The following SPATA21 variants were observed in gnomAD, a reference collection of about 807,000 sequenced individuals.
SPATA21 encodes spermatogenesis-associated protein 21.
In SPATA21, 47 loss-of-function variants were observed where a neutral mutation model predicts 54.8. That is an observed-to-expected ratio of 0.86 (90% CI 0.68 to 1.09). The LOEUF (loss-of-function observed/expected upper bound fraction) is 1.09, where lower values mean the gene tolerates loss of function less well. SPATA21 is among the 50% of genes least tolerant of loss of function. The pLI is 0.00. For synonymous variants in SPATA21, 245 were observed against 235.3 expected, an observed-to-expected ratio of 1.04 and a Z score of -0.38; for missense variants, 599 against 596.4, an observed-to-expected ratio of 1.00 and a Z score of -0.05.
rs186086434 is a variant in SPATA21 at position 16,405,301 on chromosome 1, A to C, written c.674-197T>G. ...CAGATCACCTGAGGCCAGGAGTTCAAGACCAGCCTGGCCAACATGGTGAAA... is the reference window on the plus strand; with the variant it reads ...CAGATCACCTGAGGCCAGGAGTTCACGACCAGCCTGGCCAACATGGTGAAA... On this transcript the variant is annotated intron_variant, in intron 7 of 12. Coordinates refer to ENST00000335496, the MANE Select transcript of SPATA21 (RefSeq NM_198546.1). 8.5e-5 allele frequency among the ~76,000 whole-genome samples: 13 copies of C among 152,158 alleles called. No homozygotes were observed. In the East Asian group the frequency reaches 2.5e-3, roughly 29 times the overall value.
chr1:16,398,365 G>A (rs1316919381), downstream of SPATA21, among the ~76,000 whole-genome samples: 3 of 152,154 alleles, frequency 2.0e-5, no homozygotes, highest in Non-Finnish European at 2.9e-5. Flanking sequence ...GCATGCAGAG[G>A]CCACCTCCTG....
chr1:16,398,708 G>T lies in SPATA21; in HGVS notation c.*57C>A, dbSNP rs1356074406. 7 of 1,587,950 alleles carry T rather than the reference G, an allele frequency of 4.4e-6. No individual in the cohort carries two copies. In the East Asian group the frequency reaches 1.6e-4, roughly 36 times the overall value. On this transcript the variant is annotated 3_prime_UTR_variant, in exon 13 of 13. Transcript: ENST00000335496. The stretch of plus-strand genomic sequence containing the variant: ...CAAATCCCAGCAGCAGCTCCTGCCT[G>T]GTGGCCCATCTGTCTACAGGCCTTG...
intron 7 of SPATA21, 122 bp downstream of exon 7, chr1:16,408,996 T>C (rs1045259679): frequency 7.0e-6 from 7 of 996,968 alleles, no homozygotes; most frequent in Non-Finnish European, 1.1e-5. Flanking sequence ...CCCTGCTGGG[T>C]CTGCTACACA....
Position 16,421,472 on chromosome 1 carries a change from C to T in SPATA21, c.144+37G>A. ...CCTGATCCCCCCTGCCTTTCTCCTACACAGCTCGTCCCCGTTCCCCCTATG... is the reference window on the plus strand; with the variant it reads ...CCTGATCCCCCCTGCCTTTCTCCTATACAGCTCGTCCCCGTTCCCCCTATG... On this transcript the variant is annotated intron_variant, in intron 5 of 12. Coordinates refer to ENST00000335496, the MANE Select transcript of SPATA21 (RefSeq NM_198546.1). The surrounding 1 kb of genome is among the most constrained non-coding windows in gnomAD (Gnocchi z 5.2). 6.3e-7 allele frequency: 1 copy of T among 1,594,758 alleles called. No individual in the cohort carries two copies. Among genetic ancestry groups the T allele is most frequent in the Non-Finnish European group, 8.5e-7 (1 of 1,171,086 alleles).
At chr1:16,402,247 T>C (rs533172594) in intron 10 of SPATA21, among the ~76,000 whole-genome samples, 15 of 112,736 alleles carry the variant, frequency 1.3e-4, no homozygotes, top group Admixed American at 1.1e-3. Flanking sequence ...TGAGCTGCCA[T>C]TCTTTTTTTT....
In SPATA21 at chr1:16,400,817, C is replaced by T. The variant is rs979875965; in HGVS notation, c.1077G>A (p.Leu359=). Residue 359 remains leucine, a synonymous_variant, in exon 11 of 13, where the codon TTG becomes TTA. Coordinates refer to ENST00000335496, the MANE Select transcript of SPATA21 (RefSeq NM_198546.1). Reference sequence around the variant, plus strand: ...GCTGGGGGTTGTAGGGAAGCTTCTGCAACCGCAGCCGGCCTACGGCCGCTT... The same window carrying T: ...GCTGGGGGTTGTAGGGAAGCTTCTGTAACCGCAGCCGGCCTACGGCCGCTT... ...EMEAAVGRLR[L]QKLPYNPQQE... 9 of 1,614,240 alleles carry T rather than the reference C, an allele frequency of 5.6e-6. No homozygotes were observed. The highest frequency in any genetic ancestry group is 6.8e-6 in the Non-Finnish European group (8 of 1,180,036).
chr1:16,411,462 A>G (rs1237369034), intron 5 of SPATA21, among the ~76,000 whole-genome samples: 1 of 151,888 alleles, frequency 6.6e-6, no homozygotes, highest in Non-Finnish European at 1.5e-5. Context: ...GGGATTGCAG[A>G]TGTGTGCCAC....
intron 5 of SPATA21, chr1:16,410,845 T>G (rs2085822506): frequency 2.5e-6 from 1 of 400,004 alleles, no homozygotes. Context: ...CGCGCCCGGC[T>G]GAGCCATGGT....
chr1:16,399,645 T>A, intron 11 of SPATA21, 124 bp from the exon 12 acceptor site: 3 of 1,071,402 alleles, frequency 2.8e-6, no homozygotes, highest in Non-Finnish European at 3.9e-6. Context: ...GCAAGTCACT[T>A]AACCTCTCTA....
At chr1:16,403,570 C>T (rs2085525645) in intron 10 of SPATA21, among the ~76,000 whole-genome samples, 157 bp downstream of exon 10, 1 of 150,314 alleles carries the variant, frequency 6.7e-6, no homozygotes, top group African/African-American at 2.5e-5. Context: ...CTCACTGCAA[C>T]CTCCACCTCC....
intron 10 of SPATA21, among the ~76,000 whole-genome samples, chr1:16,401,429 G>A (rs925344757): frequency 2.0e-5 from 3 of 152,052 alleles, no homozygotes; most frequent in African/African-American, 4.8e-5. Flanking sequence ...TTGAGTAGTT[G>A]GGACCATAGG....
At position 16,398,864 on chromosome 1, in the gene SPATA21, C is replaced by G. The variant is rs781364957; in HGVS notation, c.1353-42G>C. 5 of 1,590,078 alleles carry G rather than the reference C, an allele frequency of 3.1e-6. No individual in the cohort carries two copies. The South Asian group carries it at 5.7e-5, about 18-fold the overall frequency. ...GGCAGAAGGGTGGGAGACATGTGGC[C>G]CTTTCCCTATCTGCCAGTATATGAG... On this transcript the variant is annotated intron_variant, in intron 12 of 12. Coordinates refer to ENST00000335496, the MANE Select transcript of SPATA21 (RefSeq NM_198546.1).
intron 5 of SPATA21, among the ~76,000 whole-genome samples, chr1:16,418,717 G>A (rs1053984822): frequency 1.6e-4 from 25 of 151,980 alleles, no homozygotes; most frequent in Admixed American, 1.2e-3. Context: ...ACAGGTGCAC[G>A]CCACCATGCC....
intron 5 of SPATA21, among the ~76,000 whole-genome samples, chr1:16,410,252 A>G (rs1208845028): frequency 6.6e-6 from 1 of 151,878 alleles, no homozygotes; most frequent in Non-Finnish European, 1.5e-5. Context: ...AGTGAGCTGT[A>G]TTTTCTTTTT....
intron 5 of SPATA21, among the ~76,000 whole-genome samples, chr1:16,417,734 C>T (rs1432719558): frequency 6.6e-6 from 1 of 151,436 alleles, no homozygotes; most frequent in Non-Finnish European, 1.5e-5. Flanking sequence ...CGTGCCCGGC[C>T]ATTTTTTGTG....
chr1:16,398,950 A>G, intron 12 of SPATA21, 128 bp from the exon 13 acceptor site: 1 of 1,014,340 alleles, frequency 9.9e-7, no homozygotes, highest in Non-Finnish European at 1.4e-6. Flanking sequence ...TGGTGGAACC[A>G]GCAGTTGTGC....
At chr1:16,401,136 CTT>C (rs1284422223) in intron 10 of SPATA21, among the ~76,000 whole-genome samples, 2 of 152,208 alleles carry the variant, frequency 1.3e-5, no homozygotes, top group African/African-American at 2.4e-5. Flanking sequence ...ATGCAAGTGA[CTT>C]GACTTCTCTG....
chr1:16,430,881 C>G (rs546127094), intron 3 of SPATA21, among the ~76,000 whole-genome samples: 1 of 152,342 alleles, frequency 6.6e-6, no homozygotes, highest in South Asian at 2.1e-4. Context: ...AAGAGGCTCA[C>G]TTCCTGTTGG....
intron 5 of SPATA21, among the ~76,000 whole-genome samples, chr1:16,417,020 A>G (rs1375904030): frequency 3.9e-5 from 6 of 152,186 alleles, no homozygotes; most frequent in Non-Finnish European, 7.3e-5. Context: ...ATGCATGGGT[A>G]TTCTGCCTCA....
Sources: allele counts gnomAD v4.1 joint callset (sites outside exome capture counted in the v4.1 genomes callset), GRCh38; gene constraint gnomAD v4.1.1; non-coding constraint Gnocchi (gnomAD v3.1); transcripts MANE v1.5; gene names NCBI Gene and HGNC (gene_info 2026-07-23, HGNC 2026-07-21).